Variants in CACHD1 observed in about 807,000 individuals in gnomAD.
The protein encoded by CACHD1 is cache domain containing 1.
CACHD1 carries 71 observed loss-of-function variants against 138.7 expected under a neutral mutation model. The observed-to-expected ratio is 0.51, with a 90% CI of 0.42 to 0.62. The LOEUF is 0.62. Among genes scored for constraint, CACHD1 ranks in the 20% least tolerant of loss-of-function variants. The pLI is 0.00. For missense variants in CACHD1, 1,389 were observed against 1,625.3 expected, an observed-to-expected ratio of 0.85 and a Z score of 2.50; for synonymous variants, 578 against 591.5, an observed-to-expected ratio of 0.98 and a Z score of 0.33.
rs149295243 is a variant in CACHD1, at chr1:64,647,019, A to G, written c.1157-782A>G. Among the ~76,000 whole-genome samples the G allele has an allele frequency of 2.1e-3, 319 of 152,146 alleles. 2 individuals carry two copies. Among genetic ancestry groups the G allele is most frequent in the African/African-American group, 7.4e-3 (306 of 41,488 alleles). On this transcript the variant is annotated intron_variant, in intron 8 of 26. Coordinates refer to ENST00000651257, the MANE Select transcript of CACHD1 (RefSeq NM_020925.4). Reference sequence around the variant, plus strand: ...TTTGTTTACAACAGTCCCCATATGCAATCAGTTTCTAATCCTTTTGACTAT... The same window carrying G: ...TTTGTTTACAACAGTCCCCATATGCGATCAGTTTCTAATCCTTTTGACTAT...
intron 3 of CACHD1, among the ~76,000 whole-genome samples, chr1:64,585,534 GA>G (rs1288368625): frequency 6.6e-6 from 1 of 152,202 alleles, no homozygotes; most frequent in Non-Finnish European, 1.5e-5. Flanking sequence ...CCTCTGCACT[GA>G]ATGCTGAAGA....
At chr1:64,516,247 T>A (rs1646458450) in intron 1 of CACHD1, among the ~76,000 whole-genome samples, 1 of 152,212 alleles carries the variant, frequency 6.6e-6, no homozygotes, top group African/African-American at 2.4e-5. Context: ...CAATCAATTA[T>A]CGCTATCTCT....
At chr1:64,610,790 T>C (rs1186333218) in intron 4 of CACHD1, among the ~76,000 whole-genome samples, 2 of 152,172 alleles carry the variant, frequency 1.3e-5, no homozygotes, top group African/African-American at 4.8e-5. Flanking sequence ...CTCAAAACTT[T>C]GCTAGGCAGT....
At chr1:64,664,893 G>A (rs191225337) in intron 15 of CACHD1, among the ~76,000 whole-genome samples, 2 of 152,190 alleles carry the variant, frequency 1.3e-5, no homozygotes, top group African/African-American at 4.8e-5. Flanking sequence ...TTGAAATTTT[G>A]AGCCTGAAAT....
At chr1:64,690,766 G>C (rs574589415) in intron 26 of CACHD1, among the ~76,000 whole-genome samples, 4 of 152,214 alleles carry the variant, frequency 2.6e-5, no homozygotes, top group Non-Finnish European at 5.9e-5. Context: ...CTGCTACCAA[G>C]CAAGCACGCA....
intron 1 of CACHD1, among the ~76,000 whole-genome samples, chr1:64,478,722 C>T (rs758970813): frequency 2.0e-5 from 3 of 152,056 alleles, no homozygotes; most frequent in Non-Finnish European, 4.4e-5. Context: ...GTTGCTATAT[C>T]GAATTCATGT....
At chr1:64,560,599 C>T (rs967762337) in intron 2 of CACHD1, among the ~76,000 whole-genome samples, 6 of 151,348 alleles carry the variant, frequency 4.0e-5, no homozygotes, top group Admixed American at 1.3e-4. Flanking sequence ...TTAATTGAGA[C>T]CTGGGTTTTA....
intron 7 of CACHD1, 36 bp from the exon 8 acceptor site, chr1:64,641,784 C>A (rs769975855): frequency 2.0e-6 from 3 of 1,472,034 alleles, no homozygotes; most frequent in South Asian, 1.5e-5. Context: ...TAGCTGGAAT[C>A]CAAAGAGAGC....
intron 24 of CACHD1, among the ~76,000 whole-genome samples, 198 bp from the exon 25 acceptor site, chr1:64,681,052 TCTTGATTA>T (rs1213483693): frequency 3.9e-5 from 6 of 152,220 alleles, no homozygotes; most frequent in African/African-American, 1.2e-4. Context: ...TTCAGATGTC[TCTTGATTA>T]CTTGTTCTTC....
rs892357850 is a variant in CACHD1 at position 64,475,005 on chromosome 1, G to T, written c.198+4063G>T. On this transcript the variant is annotated intron_variant, in intron 1 of 26. Coordinates refer to ENST00000651257, the MANE Select transcript of CACHD1 (RefSeq NM_020925.4). The stretch of plus-strand genomic sequence containing the variant: ...AAGAACTGGAGCTTCAACTCCAATT[G>T]AAGAAAAAGCAGCAGCTAGAACAGA... 6.6e-5 allele frequency among the ~76,000 whole-genome samples: 10 copies of T among 152,296 alleles called. No individual in the cohort carries two copies. The East Asian group carries it at 1.9e-3, about 29-fold the overall frequency.
intron 4 of CACHD1, among the ~76,000 whole-genome samples, chr1:64,609,508 A>G (rs976535395): frequency 6.6e-6 from 1 of 152,204 alleles, no homozygotes; most frequent in African/African-American, 2.4e-5. Flanking sequence ...CTAAACAAAC[A>G]AGGTCTCTTT....
At chr1:64,578,980 A>G (rs1646990685) in intron 2 of CACHD1, among the ~76,000 whole-genome samples, 1 of 152,194 alleles carries the variant, frequency 6.6e-6, no homozygotes, top group Non-Finnish European at 1.5e-5. Flanking sequence ...AAATTTCTAT[A>G]AAACCACTAC....
At chr1:64,657,236 A>G (rs551169576) in intron 12 of CACHD1, among the ~76,000 whole-genome samples, 1 of 152,312 alleles carries the variant, frequency 6.6e-6, no homozygotes, top group East Asian at 1.9e-4. Flanking sequence ...CTCCCAACCC[A>G]TAGAGAGCCC....
chr1:64,527,421 G>C lies in CACHD1; in HGVS notation c.199-23173G>C, dbSNP rs149149484. ...CCTCCCAACCTTAGGTGAGACAGTA[G>C]GCGTTTCTTCGGGGAGTCTTGTGAT... On this transcript the variant is annotated intron_variant, in intron 1 of 26. Coordinates refer to ENST00000651257, the MANE Select transcript of CACHD1 (RefSeq NM_020925.4). 3.8e-3 allele frequency among the ~76,000 whole-genome samples: 575 copies of C among 152,302 alleles called. 5 individuals carry two copies. Among genetic ancestry groups the C allele is most frequent in the African/African-American group, 0.012 (501 of 41,562 alleles).
intron 25 of CACHD1, 69 bp from the exon 26 acceptor site, chr1:64,681,936 A>T: frequency 7.4e-7 from 1 of 1,350,966 alleles, no homozygotes; most frequent in Non-Finnish European, 1.1e-6. Flanking sequence ...GCCCTCTCAG[A>T]GCAAATGTGT....
At chr1:64,486,361 CACACACAT>C (rs1411122947) in intron 1 of CACHD1, among the ~76,000 whole-genome samples, 12 of 86,902 alleles carry the variant, frequency 1.4e-4, no homozygotes, top group South Asian at 8.3e-4. Flanking sequence ...CACACACACA[CACACACAT>C]ACACACACAC....
intron 1 of CACHD1, among the ~76,000 whole-genome samples, chr1:64,547,700 G>A (rs1406472747): frequency 6.6e-6 from 1 of 152,112 alleles, no homozygotes; most frequent in Non-Finnish European, 1.5e-5. Flanking sequence ...ACCAAATGTG[G>A]CTAATTGGTT....
chr1:64,667,561 A>G (rs1417762084), intron 16 of CACHD1, among the ~76,000 whole-genome samples: 1 of 152,248 alleles, frequency 6.6e-6, no homozygotes, highest in Non-Finnish European at 1.5e-5. Flanking sequence ...CAGTGTTCTC[A>G]TTAACAGACC....
chr1:64,560,122 A>G (rs1646827861), intron 2 of CACHD1, among the ~76,000 whole-genome samples: 2 of 152,210 alleles, frequency 1.3e-5, no homozygotes, highest in African/African-American at 4.8e-5. Context: ...CTAGCTAGAC[A>G]GACAAAATCA....
Sources: gnomAD v4.1 joint callset for allele counts (sites outside exome capture counted in the v4.1 genomes callset) on GRCh38, gnomAD v4.1.1 for gene constraint, MANE v1.5 for transcripts, NCBI Gene and HGNC (gene_info 2026-07-23, HGNC 2026-07-21) for gene names.